ASIC4: variants seen among roughly 807,000 people sequenced by gnomAD.
The protein encoded by ASIC4 is acid sensing ion channel subunit family member 4.
A neutral mutation model predicts 53.4 loss-of-function variants in ASIC4; 28 were observed. That is an observed-to-expected ratio of 0.52 (90% CI 0.39 to 0.72). The LOEUF (loss-of-function observed/expected upper bound fraction) is 0.72. Ranked by LOEUF, ASIC4 falls within the 30% of genes least tolerant of loss-of-function variation. The pLI, the probability that ASIC4 is intolerant of heterozygous loss-of-function variation, is 0.00. For synonymous variants in ASIC4, 289 were observed against 301.4 expected (o/e 0.96, Z 0.43); for missense variants, 649 against 729.7 (o/e 0.89, Z 1.27).
rs960939807 is a variant in ASIC4, at chr2:219,516,322, G to C, written c.582+1016G>C. On this transcript the variant is annotated intron_variant, in intron 1 of 9. Transcript: ENST00000358078. The surrounding 1 kb of genome is among the most constrained non-coding windows in gnomAD (Gnocchi z 4.9). The stretch of plus-strand genomic sequence containing the variant: ...CGCTGCTCCCCATTTGGAGACTGCT[G>C]GCGCCATCTGTCACCTACGTGTGAG... Among the ~76,000 whole-genome samples the C allele has an allele frequency of 6.6e-6, 1 of 152,094 alleles. No homozygotes were observed. The highest frequency in any genetic ancestry group is 2.4e-5 in the African/African-American group (1 of 41,390).
chr2:219,534,654 A>G (rs1419457018), intron 5 of ASIC4, among the ~76,000 whole-genome samples: 1 of 152,168 alleles, frequency 6.6e-6, no homozygotes, highest in Non-Finnish European at 1.5e-5. Flanking sequence ...AAGGTTGAAG[A>G]GTGGAGAGTG....
In ASIC4 at chr2:219,535,308, A is replaced by G; in HGVS notation, c.1213A>G (p.Asn405Asp). The stretch of plus-strand genomic sequence containing the variant: ...GTACCTGGCGAGGAAGTACAACCGC[A>G]ACGAGACCTACATACGGTATGTGTG... ...ARYLARKYNR[N>D]ETYIRENFLV... The change falls in exon 6 of 10, where the codon AAC becomes GAC. Residue 405 changes from asparagine to aspartate, a missense_variant. Asn to Asp is a conservative substitution (Grantham distance 23). Coordinates refer to ENST00000358078, the MANE Select transcript of ASIC4 (RefSeq NM_018674.6). 1 of 1,602,400 alleles carries G rather than the reference A, an allele frequency of 6.2e-7. No individual in the cohort carries two copies. Among genetic ancestry groups the G allele is most frequent in the Non-Finnish European group, 8.5e-7 (1 of 1,173,160 alleles).
At chr2:219,514,248 GCCCCCTC>G, upstream of ASIC4, 2 of 1,386,568 alleles carry the variant, frequency 1.4e-6, no homozygotes, top group East Asian at 2.5e-5. Context: ...GCTGGGGACT[GCCCCCTC>G]CCCTGGCCTG....
rs1695175969 is a variant in ASIC4 at position 219,538,004 on chromosome 2, C to T, written c.1578C>T (p.Pro526=). The T allele has an allele frequency of 1.2e-6, 2 of 1,613,368 alleles. No individual in the cohort carries two copies. Among genetic ancestry groups the T allele is most frequent in the East Asian group, 4.5e-5 (2 of 44,852 alleles). ...VSSLLPNHHH[P]HGPPGGLFED... ...GTCTGCTCCCCAATCACCACCACCC[C>T]CACGGTCCCCCAGGAGGTCTCTTTG... The change falls in exon 10 of 10, where the codon CCC becomes CCT. Residue 526 remains proline, a synonymous_variant. Transcript: ENST00000358078.
intron 1 of ASIC4, among the ~76,000 whole-genome samples, chr2:219,525,439 C>A (rs959308439): frequency 6.6e-6 from 1 of 152,192 alleles, no homozygotes; most frequent in African/African-American, 2.4e-5. Context: ...GAAACCAGGG[C>A]CTGCTGACTC....
rs1694805680 is a variant in ASIC4, at chr2:219,517,072, G to C, written c.582+1766G>C. On this transcript the variant is annotated intron_variant, in intron 1 of 9. Transcript: ENST00000358078. This position sits in a 1 kb window ranked among gnomAD's most constrained non-coding sequence, Gnocchi z 4.2. ...GTGCTGTTGGGACAGAAATCAATGG[G>C]ATCTTTGTGTCCCCGAGCGGGAGTT... 1 of 152,434 alleles carries C rather than the reference G, an allele frequency of 6.6e-6. No individual in the cohort carries two copies. Among genetic ancestry groups the C allele is most frequent in the African/African-American group, 2.4e-5 (1 of 41,428 alleles). The allele number at this position is 152,434 out of a possible 1,614,324, so 9.4% of individuals were successfully genotyped here.
rs1403736351 is a variant in ASIC4 at position 219,535,336 on chromosome 2, TG to T, written c.1229+13del. 3 of 1,539,536 alleles carry T rather than the reference TG, an allele frequency of 1.9e-6. No individual in the cohort carries two copies. Among genetic ancestry groups the T allele is most frequent in the Non-Finnish European group, 2.6e-6 (3 of 1,138,242 alleles). On this transcript the variant is annotated intron_variant, in intron 6 of 9. Transcript: ENST00000358078. ...GAGACCTACATACGGTATGTGTGTG[TG>T]TGTGTGGGGGGTGGCTGTGTGACTC...
rs1694822526 is a variant in ASIC4 at position 219,517,925 on chromosome 2, T to C, written c.582+2619T>C. On this transcript the variant is annotated intron_variant, in intron 1 of 9. Transcript: ENST00000358078. The surrounding 1 kb of genome is among the most constrained non-coding windows in gnomAD (Gnocchi z 4.2). ...CCCACTCCCCACTCTGCTGTGACCT[T>C]TCCTCTGGAATCCAAGTTAATAAAT... is the stretch of plus-strand genomic sequence containing the variant. Among the ~76,000 whole-genome samples the C allele has an allele frequency of 6.6e-6, 1 of 152,158 alleles. No homozygotes were observed. The highest frequency in any genetic ancestry group is 1.5e-5 in the Non-Finnish European group (1 of 68,026).
At chr2:219,523,930 C>T (rs1338127092) in intron 1 of ASIC4, among the ~76,000 whole-genome samples, 1 of 151,992 alleles carries the variant, frequency 6.6e-6, no homozygotes, top group African/African-American at 2.4e-5. Flanking sequence ...CTCAAGAGAT[C>T]CTCCCACCTC....
Position 219,537,675 on chromosome 2 carries a change from C to T in ASIC4, c.1445C>T (p.Thr482Ile). Residue 482 changes from threonine (T) to isoleucine (I), a missense_variant, in exon 9 of 10, where the codon ACC (threonine) becomes ATC (isoleucine). Transcript: ENST00000358078. This position sits in a 1 kb window ranked among gnomAD's most constrained non-coding sequence, Gnocchi z 4.9. ...RLKRVWRRPK[T>I]PLRTSTGGIS... ...AAGCGGGTATGGAGGCGTCCCAAGA[C>T]CCCCCTGCGGACCTCCACTGGGGGC... The T allele has an allele frequency of 2.5e-6, 4 of 1,614,002 alleles. No homozygotes were observed. Among genetic ancestry groups the T allele is most frequent in the Non-Finnish European group, 3.4e-6 (4 of 1,179,938 alleles).
At chr2:219,509,444 C>T (rs560743038), upstream of ASIC4, among the ~76,000 whole-genome samples, 15 of 152,284 alleles carry the variant, frequency 9.9e-5, no homozygotes, top group Admixed American at 3.9e-4. This position sits in a 1 kb window ranked among gnomAD's most constrained non-coding sequence, Gnocchi z 5.2. Context: ...CACTGACACA[C>T]GCTCCCTCGT....
At chr2:219,525,386 A>T (rs1418308077) in intron 1 of ASIC4, among the ~76,000 whole-genome samples, 3 of 152,258 alleles carry the variant, frequency 2.0e-5, no homozygotes, top group Non-Finnish European at 4.4e-5. Flanking sequence ...AAATCACTTT[A>T]CTAACCTAAG....
At position 219,535,303 on chromosome 2, in the gene ASIC4, A is replaced by G; in HGVS notation, c.1208A>G (p.Asn403Ser). 1 of 1,609,548 alleles carries G rather than the reference A, an allele frequency of 6.2e-7. No homozygotes were observed. Among genetic ancestry groups the G allele is most frequent in the South Asian group, 1.1e-5 (1 of 90,876 alleles). The change falls in exon 6 of 10, where the codon AAC (asparagine) becomes AGC (serine). Residue 403 changes from asparagine to serine, a missense_variant. Coordinates refer to ENST00000358078, the MANE Select transcript of ASIC4 (RefSeq NM_018674.6). ...GCCCGGTACCTGGCGAGGAAGTACAACCGCAACGAGACCTACATACGGTAT... is the reference window on the plus strand; with the variant it reads ...GCCCGGTACCTGGCGAGGAAGTACAGCCGCAACGAGACCTACATACGGTAT... ...GSARYLARKYNRNETYIRENF... is the reference protein window; with the variant it reads ...GSARYLARKYSRNETYIRENF...
At chr2:219,534,838 A>T (rs900286100) in intron 5 of ASIC4, among the ~76,000 whole-genome samples, 1 of 150,620 alleles carries the variant, frequency 6.6e-6, no homozygotes, top group Non-Finnish European at 1.5e-5. Flanking sequence ...TCCTCTCCAC[A>T]CCTCCTTGTG....
At position 219,532,947 on chromosome 2, in the gene ASIC4, C is replaced by G; in HGVS notation, c.1075+8C>G. 2.5e-6 allele frequency: 4 copies of G among 1,613,666 alleles called. No individual in the cohort carries two copies. The highest frequency in any genetic ancestry group is 2.5e-6 in the Non-Finnish European group (3 of 1,179,634). On this transcript the variant is annotated splice_region_variant and intron_variant, in intron 5 of 9. Transcript: ENST00000358078. Reference sequence around the variant, plus strand: ...GTGCAGACCACACACTGGGTCCGTGCTGCCTACCCTTTCCTACCTCTCCAT... The same window carrying G: ...GTGCAGACCACACACTGGGTCCGTGGTGCCTACCCTTTCCTACCTCTCCAT...
chr2:219,524,600 C>T (rs112508920), intron 1 of ASIC4, among the ~76,000 whole-genome samples: 5 of 152,344 alleles, frequency 3.3e-5, no homozygotes, highest in African/African-American at 9.6e-5. Context: ...CTCATAACAC[C>T]TTTGAAGGGC....
intron 1 of ASIC4, among the ~76,000 whole-genome samples, chr2:219,521,780 C>T (rs1694889032): frequency 6.6e-6 from 1 of 152,130 alleles, no homozygotes; most frequent in South Asian, 2.1e-4. Context: ...TCCAGGCTGG[C>T]CCTGCAGCCC....
At position 219,536,472 on chromosome 2, in the gene ASIC4, T is replaced by C. The variant is rs1004414880; in HGVS notation, c.1230-594T>C. ...TTGTCAATGAGCCCACGTTTGATCA[T>C]GTAGGACTGATTCTCAGGCCCCAGT... On this transcript the variant is annotated intron_variant, in intron 6 of 9. Coordinates refer to ENST00000358078, the MANE Select transcript of ASIC4 (RefSeq NM_018674.6). The surrounding 1 kb of genome is among the most constrained non-coding windows in gnomAD (Gnocchi z 4.6). Among the ~76,000 whole-genome samples, 11 of 152,240 alleles carry C rather than the reference T, an allele frequency of 7.2e-5. No homozygotes were observed. Among genetic ancestry groups the C allele is most frequent in the African/African-American group, 1.9e-4 (8 of 41,558 alleles).
the ASIC4 span, among the ~76,000 whole-genome samples, chr2:219,507,828 G>T: frequency 6.6e-6 from 1 of 152,156 alleles, no homozygotes. Context: ...CAGCAGGCAG[G>T]GGTGGCAGGC....
Sources: gnomAD v4.1 joint callset for allele counts (sites outside exome capture counted in the v4.1 genomes callset) on GRCh38, gnomAD v4.1.1 for gene constraint, Gnocchi (gnomAD v3.1) non-coding constraint, MANE v1.5 for transcripts, NCBI Gene and HGNC (gene_info 2026-07-23, HGNC 2026-07-21) for gene names.